Variants in SLC24A3 observed in about 807,000 individuals in gnomAD.
The protein encoded by SLC24A3 is sodium/potassium/calcium exchanger 3.
Under a neutral mutation model 75.8 loss-of-function variants are expected in SLC24A3, and 28 were observed. The observed-to-expected ratio is 0.37, with a 90% CI of 0.27 to 0.51. The LOEUF (loss-of-function observed/expected upper bound fraction) is 0.51, where lower values mean the gene tolerates loss of function less well. SLC24A3 is among the 20% of genes least tolerant of loss of function. The pLI is 0.94. For synonymous variants in SLC24A3, 372 were observed against 334.1 expected (o/e 1.11, Z -1.24); for missense variants, 663 against 847.8 (o/e 0.78, Z 2.71).
intron 12 of SLC24A3, 64 bp downstream of exon 12, chr20:19,685,425 G>A: frequency 7.0e-6 from 11 of 1,568,328 alleles, no homozygotes; most frequent in Non-Finnish European, 9.5e-6. Flanking sequence ...AGATGCCCTT[G>A]ACTTAGATTA....
intron 2 of SLC24A3, among the ~76,000 whole-genome samples, chr20:19,432,359 T>A (rs1186018118): frequency 1.3e-5 from 2 of 150,714 alleles, no homozygotes; most frequent in South Asian, 2.1e-4. Flanking sequence ...ATTTAAAAAG[T>A]TGAATCAATC....
At chr20:19,469,056 G>A (rs1360538696) in intron 2 of SLC24A3, among the ~76,000 whole-genome samples, 3 of 152,120 alleles carry the variant, frequency 2.0e-5, no homozygotes, top group African/African-American at 7.2e-5. Context: ...ATAACAAAGG[G>A]CAATGCTTAG....
rs372652931 is a variant in SLC24A3, at chr20:19,525,331, C to T, written c.348+9767C>T. On this transcript the variant is annotated intron_variant, in intron 3 of 16. Transcript: ENST00000328041. ...AGCCAAGACAGCTGTCTCAGGCTGA[C>T]TCCCCCAGAAGCAGACCCTCAGACA... Among the ~76,000 whole-genome samples, 10 of 152,246 alleles carry T rather than the reference C, an allele frequency of 6.6e-5. 2 individuals are homozygous for T.
At position 19,717,643 on chromosome 20, in the gene SLC24A3, C is replaced by T. The variant is rs186509502; in HGVS notation, c.1785+50C>T. 88 of 1,608,048 alleles carry T rather than the reference C, an allele frequency of 5.5e-5. No homozygotes were observed. The East Asian group carries it at 1.9e-3, about 35-fold the overall frequency. ...ACTTGTGTTTGCCTGTTCTTTCCTC[C>T]CCTTGGTTTCTTTGGAGACCAGATG... On this transcript the variant is annotated intron_variant, in intron 16 of 16. Coordinates refer to ENST00000328041, the MANE Select transcript of SLC24A3 (RefSeq NM_020689.4).
intron 2 of SLC24A3, among the ~76,000 whole-genome samples, chr20:19,399,170 T>C (rs1257122709): frequency 6.6e-6 from 1 of 152,162 alleles, no homozygotes; most frequent in Non-Finnish European, 1.5e-5. Flanking sequence ...AGTTATCATT[T>C]TTTTATGACC....
intron 2 of SLC24A3, among the ~76,000 whole-genome samples, chr20:19,360,462 A>G (rs1470179302): frequency 2.0e-5 from 3 of 152,250 alleles, no homozygotes; most frequent in Non-Finnish European, 2.9e-5. Flanking sequence ...TCAACATTTC[A>G]GCATGTGAAT....
intron 2 of SLC24A3, among the ~76,000 whole-genome samples, chr20:19,415,711 G>T (rs1384590602): frequency 6.6e-6 from 1 of 151,658 alleles, no homozygotes; most frequent in Non-Finnish European, 1.5e-5. Flanking sequence ...GTGAGGTATT[G>T]TTCAAAATTA....
intron 1 of SLC24A3, among the ~76,000 whole-genome samples, chr20:19,268,907 C>A (rs1215494908): frequency 6.6e-6 from 1 of 152,246 alleles, no homozygotes; most frequent in Non-Finnish European, 1.5e-5. Flanking sequence ...AAAAGTCAGA[C>A]AAACTCCATC....
At chr20:19,419,137 T>TA (rs1156644089) in intron 2 of SLC24A3, among the ~76,000 whole-genome samples, 1 of 152,250 alleles carries the variant, frequency 6.6e-6, no homozygotes, top group Non-Finnish European at 1.5e-5. Flanking sequence ...TTTATACAAG[T>TA]ATTTCAACTC....
chr20:19,700,120 G>C (rs151151217), intron 15 of SLC24A3, among the ~76,000 whole-genome samples: 1,574 of 152,296 alleles, frequency 0.01, 25 homozygotes, highest in African/African-American at 0.036. Context: ...AACTTTCGCA[G>C]AGAAGGTCAA....
intron 2 of SLC24A3, among the ~76,000 whole-genome samples, chr20:19,402,657 A>C (rs376924191): frequency 6.6e-6 from 1 of 152,186 alleles, no homozygotes. Flanking sequence ...TGTTTTTTTG[A>C]CAGATGAAAG....
At chr20:19,445,674 C>T (rs8117279) in intron 2 of SLC24A3, among the ~76,000 whole-genome samples, 11 of 152,042 alleles carry the variant, frequency 7.2e-5, no homozygotes, top group Non-Finnish European at 1.5e-4. Flanking sequence ...TAGTTAAGAG[C>T]AGACAACAGG....
intron 2 of SLC24A3, among the ~76,000 whole-genome samples, chr20:19,371,635 A>G (rs989323943): frequency 3.9e-5 from 6 of 152,094 alleles, no homozygotes; most frequent in African/African-American, 1.2e-4. Flanking sequence ...CACACTCTCC[A>G]TATGGCGGAA....
chr20:19,382,587 G>A (rs944846741), intron 2 of SLC24A3, among the ~76,000 whole-genome samples: 2 of 152,052 alleles, frequency 1.3e-5, no homozygotes, highest in Non-Finnish European at 1.5e-5. Context: ...TGGGTGTAAC[G>A]AGCATCTGTC....
rs2031692592 is a variant in SLC24A3, at chr20:19,613,116, C to T, written c.612+27572C>T. 3.3e-5 allele frequency among the ~76,000 whole-genome samples: 5 copies of T among 152,172 alleles called. No homozygotes were observed. In the South Asian group the frequency reaches 1.0e-3, roughly 31 times the overall value. On this transcript the variant is annotated intron_variant, in intron 6 of 16. Transcript: ENST00000328041. The stretch of plus-strand genomic sequence containing the variant: ...TGGTCACCCTACTCACATGTTCACA[C>T]ACGTCCCCACCCAGAACCCCCAGTT...
chr20:19,499,732 A>G lies in SLC24A3; in HGVS notation c.272-15756A>G, dbSNP rs546985635. ...GGTATTCAGTCCATTACACACATACACCTAGATACTTGCGTATGCATATGT... is the reference window on the plus strand; with the variant it reads ...GGTATTCAGTCCATTACACACATACGCCTAGATACTTGCGTATGCATATGT... On this transcript the variant is annotated intron_variant, in intron 2 of 16. Transcript: ENST00000328041. Among the ~76,000 whole-genome samples, 10 of 152,238 alleles carry G rather than the reference A, an allele frequency of 6.6e-5. No homozygotes were observed. The South Asian group carries it at 1.9e-3, about 28-fold the overall frequency.
chr20:19,270,873 C>A (rs1351283207), intron 1 of SLC24A3, among the ~76,000 whole-genome samples: 1 of 152,040 alleles, frequency 6.6e-6, no homozygotes, highest in Non-Finnish European at 1.5e-5. Flanking sequence ...CAGGTGGGGT[C>A]AGTCAACATC....
chr20:19,577,192 G>C (rs1003132210), intron 3 of SLC24A3, among the ~76,000 whole-genome samples: 7 of 151,892 alleles, frequency 4.6e-5, no homozygotes, highest in African/African-American at 1.7e-4. Flanking sequence ...GTAGCCGGGA[G>C]TACAGGAGCC....
intron 1 of SLC24A3, among the ~76,000 whole-genome samples, chr20:19,234,247 A>G (rs1021174859): frequency 6.6e-6 from 1 of 152,212 alleles, no homozygotes; most frequent in African/African-American, 2.4e-5. Flanking sequence ...AGAAATGCAG[A>G]GTCATGGGCC....
Sources: allele counts gnomAD v4.1 joint callset (sites outside exome capture counted in the v4.1 genomes callset), GRCh38; gene constraint gnomAD v4.1.1; transcripts MANE v1.5; gene names NCBI Gene and HGNC (gene_info 2026-07-23, HGNC 2026-07-21).